The following DLG2 variants were observed in gnomAD, a reference collection of about 807,000 sequenced individuals.
The protein encoded by DLG2 is discs large MAGUK scaffold protein 2.
A neutral mutation model predicts 132.5 loss-of-function variants in DLG2; 45 were observed. That is an observed-to-expected ratio of 0.34 (90% CI 0.27 to 0.44). The LOEUF (loss-of-function observed/expected upper bound fraction) is 0.44, where lower values mean the gene tolerates loss of function less well. DLG2 is among the 20% of genes least tolerant of loss of function. DLG2 has a pLI of 1.00. For missense variants in DLG2, 1,045 were observed against 1,196.9 expected (o/e 0.87, Z 1.87); for synonymous variants, 424 against 419.6 (o/e 1.01, Z -0.13).
chr11:84,631,018 T>TCTCTCACA (rs1217703556), intron 6 of DLG2, among the ~76,000 whole-genome samples: 32 of 94,290 alleles, frequency 3.4e-4, no homozygotes, highest in South Asian at 8.7e-4. Flanking sequence ...TCTCTCTCTC[T>TCTCTCACA]CACACACACA....
chr11:85,283,462 T>TTAA (rs999850645), intron 4 of DLG2, among the ~76,000 whole-genome samples: 6 of 146,786 alleles, frequency 4.1e-5, no homozygotes, highest in Non-Finnish European at 7.6e-5. Context: ...ATAAGCAAAA[T>TTAA]TAATAATAAT....
At chr11:85,167,395 G>A (rs1252411825) in intron 4 of DLG2, among the ~76,000 whole-genome samples, 1 of 152,100 alleles carries the variant, frequency 6.6e-6, no homozygotes, top group African/African-American at 2.4e-5. Flanking sequence ...GAGTCTTTAG[G>A]TGGGGTTCAG....
chr11:83,617,771 G>C (rs1486205922), intron 19 of DLG2, among the ~76,000 whole-genome samples: 1 of 152,054 alleles, frequency 6.6e-6, no homozygotes, highest in Non-Finnish European at 1.5e-5. Context: ...CAGCACTTTG[G>C]GAGGATCACT....
At chr11:84,098,330 A>G (rs2097195380) in intron 10 of DLG2, among the ~76,000 whole-genome samples, 1 of 152,004 alleles carries the variant, frequency 6.6e-6, no homozygotes, top group Admixed American at 6.6e-5. Flanking sequence ...TGAGCCACTG[A>G]GCCAGGCCAT....
intron 6 of DLG2, among the ~76,000 whole-genome samples, chr11:84,883,362 G>A (rs144986224): frequency 0.017 from 2,644 of 151,978 alleles, 86 homozygotes; most frequent in African/African-American, 0.059. Flanking sequence ...TAATGTATGC[G>A]GGGCTTAAAA....
At chr11:84,873,335 G>C (rs1264758807) in intron 6 of DLG2, among the ~76,000 whole-genome samples, 1 of 152,174 alleles carries the variant, frequency 6.6e-6, no homozygotes, top group African/African-American at 2.4e-5. Context: ...GAAAAGACAA[G>C]AAAACAGATT....
At chr11:84,514,419 A>C (rs1234613763) in intron 7 of DLG2, among the ~76,000 whole-genome samples, 1 of 152,126 alleles carries the variant, frequency 6.6e-6, no homozygotes, top group Middle Eastern at 3.2e-3. Context: ...TGTTTACAAT[A>C]GCTAAGATTT....
chr11:84,563,387 C>T (rs1010065555), intron 6 of DLG2, among the ~76,000 whole-genome samples: 7 of 152,026 alleles, frequency 4.6e-5, no homozygotes, highest in African/African-American at 1.7e-4. Flanking sequence ...TTCAAAAACC[C>T]TGGCATTTTT....
chr11:83,956,167 G>A (rs865777560), intron 14 of DLG2, among the ~76,000 whole-genome samples: 1 of 151,944 alleles, frequency 6.6e-6, no homozygotes, highest in Non-Finnish European at 1.5e-5. Flanking sequence ...CGTTTTCATC[G>A]CTCAGTCAAA....
At chr11:83,942,686 G>A (rs1007644934) in intron 14 of DLG2, among the ~76,000 whole-genome samples, 36 of 151,912 alleles carry the variant, frequency 2.4e-4, no homozygotes, top group African/African-American at 7.7e-4. Flanking sequence ...TCTGAATGGC[G>A]GGATTATGGG....
At chr11:85,460,381 C>T (rs1309808372) in intron 3 of DLG2, among the ~76,000 whole-genome samples, 1 of 152,156 alleles carries the variant, frequency 6.6e-6, no homozygotes, top group Non-Finnish European at 1.5e-5. Context: ...ATGCATGGAT[C>T]ACCTGAGCCC....
intron 18 of DLG2, among the ~76,000 whole-genome samples, chr11:83,693,529 G>A (rs2081355055): frequency 6.6e-6 from 1 of 152,042 alleles, no homozygotes; most frequent in Non-Finnish European, 1.5e-5. Context: ...CTTCTTTGTG[G>A]AGGACACCGT....
intron 3 of DLG2, among the ~76,000 whole-genome samples, chr11:85,378,911 T>G (rs536242124): frequency 6.6e-6 from 1 of 152,170 alleles, no homozygotes. Flanking sequence ...AAAATACACA[T>G]AAATTTCTAA....
intron 12 of DLG2, among the ~76,000 whole-genome samples, chr11:83,977,306 T>C (rs1263674608): frequency 3.9e-5 from 6 of 151,974 alleles, no homozygotes; most frequent in African/African-American, 1.4e-4. Context: ...TGTGCAGGTG[T>C]GTGCTTTAAC....
At chr11:84,490,375 T>A (rs1293229448) in intron 7 of DLG2, among the ~76,000 whole-genome samples, 1 of 152,090 alleles carries the variant, frequency 6.6e-6, no homozygotes, top group Non-Finnish European at 1.5e-5. Flanking sequence ...GTAGAAAAGA[T>A]GAAATTCCCA....
chr11:84,170,098 C>A (rs1355119734), intron 8 of DLG2, among the ~76,000 whole-genome samples: 2 of 152,070 alleles, frequency 1.3e-5, no homozygotes, highest in African/African-American at 4.8e-5. Context: ...GACACCATGC[C>A]TTGATCAAAG....
chr11:83,770,233 C>T (rs1224877819), intron 18 of DLG2, among the ~76,000 whole-genome samples: 2 of 142,022 alleles, frequency 1.4e-5, no homozygotes, highest in East Asian at 4.0e-4. Context: ...TTCCTCCTAC[C>T]TTTTGTCTCG....
intron 6 of DLG2, among the ~76,000 whole-genome samples, chr11:84,584,633 T>TGGGATTATAAG (rs1215339089): frequency 6.8e-6 from 1 of 148,040 alleles, no homozygotes; most frequent in Non-Finnish European, 1.5e-5. Flanking sequence ...CCCAAAGTGC[T>TGGGATTATAAG]GGGATTATAA....
intron 3 of DLG2, among the ~76,000 whole-genome samples, chr11:85,352,716 G>C (rs2083389312): frequency 6.6e-6 from 1 of 152,066 alleles, no homozygotes; most frequent in Non-Finnish European, 1.5e-5. Context: ...TGACAAACCT[G>C]ACAAAAACAA....
Sources: gnomAD v4.1 joint callset for allele counts (sites outside exome capture counted in the v4.1 genomes callset) on GRCh38, gnomAD v4.1.1 for gene constraint, MANE v1.5 for transcripts, NCBI Gene and HGNC (gene_info 2026-07-23, HGNC 2026-07-21) for gene names.